SFMBT2: variants seen among roughly 807,000 people sequenced by gnomAD.
SFMBT2 encodes Scm like with four mbt domains 2.
Under a neutral mutation model 110.1 loss-of-function variants are expected in SFMBT2, and 38 were observed. The ratio of observed to expected loss-of-function variants is 0.35; its 90% confidence interval spans 0.27 to 0.45. The LOEUF (loss-of-function observed/expected upper bound fraction) is 0.45, where lower values mean the gene tolerates loss of function less well. SFMBT2 is among the 20% of genes least tolerant of loss of function. The pLI, the probability that SFMBT2 is intolerant of heterozygous loss-of-function variation, is 1.00. For missense variants in SFMBT2, 1,011 were observed against 1,094.9 expected, an observed-to-expected ratio of 0.92 and a Z score of 1.08; for synonymous variants, 425 against 425.4, an observed-to-expected ratio of 1.00 and a Z score of 0.01.
intron 2 of SFMBT2, among the ~76,000 whole-genome samples, chr10:7,375,785 A>ACG (rs1255291467): frequency 6.6e-6 from 1 of 151,412 alleles, no homozygotes; most frequent in Non-Finnish European, 1.5e-5. Context: ...ACACACACAC[A>ACG]CACACACACA....
intron 16 of SFMBT2, among the ~76,000 whole-genome samples, chr10:7,180,711 G>C (rs1441913063): frequency 2.0e-5 from 3 of 152,166 alleles, no homozygotes; most frequent in Admixed American, 1.3e-4. Flanking sequence ...ACCCACCAGG[G>C]AAAAGGATGG....
intron 15 of SFMBT2, among the ~76,000 whole-genome samples, chr10:7,195,255 G>A (rs1203120218): frequency 2.0e-5 from 3 of 152,312 alleles, no homozygotes; most frequent in African/African-American, 7.2e-5. Flanking sequence ...TTTGGATTGA[G>A]TTTAGTATCT....
intron 1 of SFMBT2, among the ~76,000 whole-genome samples, chr10:7,383,943 G>A (rs574117007): frequency 6.6e-6 from 1 of 152,148 alleles, no homozygotes; most frequent in Admixed American, 6.5e-5. Context: ...GAGTGCGGTG[G>A]CTCATGCCTG....
intron 4 of SFMBT2, chr10:7,329,408 A>G (rs1843497185): frequency 2.0e-6 from 2 of 982,154 alleles, no homozygotes; most frequent in African/African-American, 1.7e-5. Context: ...AGCGCAGCAC[A>G]GCACGGGTGC....
chr10:7,225,079 G>A (rs978443276), intron 10 of SFMBT2, among the ~76,000 whole-genome samples: 6 of 152,128 alleles, frequency 3.9e-5, no homozygotes, highest in African/African-American at 1.2e-4. Flanking sequence ...CCAGCCTCAC[G>A]CACAGCTATT....
At chr10:7,238,301 G>A (rs1156894930) in intron 9 of SFMBT2, among the ~76,000 whole-genome samples, 1 of 152,104 alleles carries the variant, frequency 6.6e-6, no homozygotes, top group African/African-American at 2.4e-5. Context: ...ATGAGGTATG[G>A]GGCATGAGAA....
At chr10:7,276,425 G>T (rs1841777569) in intron 7 of SFMBT2, among the ~76,000 whole-genome samples, 1 of 152,148 alleles carries the variant, frequency 6.6e-6, no homozygotes. Context: ...TCATTATGAA[G>T]ATTATTTTTT....
chr10:7,227,496 G>C (rs1839928638), intron 10 of SFMBT2, among the ~76,000 whole-genome samples: 1 of 152,192 alleles, frequency 6.6e-6, no homozygotes, highest in African/African-American at 2.4e-5. Context: ...GCAGTATTTA[G>C]AACTAGTGAT....
In SFMBT2 at chr10:7,312,084, G is replaced by C. The variant is rs149890489; in HGVS notation, c.437-26130C>G. 5.2e-3 allele frequency among the ~76,000 whole-genome samples: 789 copies of C among 152,254 alleles called. 3 individuals are homozygous for C. Among genetic ancestry groups the C allele is most frequent in the African/African-American group, 0.016 (674 of 41,516 alleles). ...ACACACAGGGGCCTGTCGTGGAGTGGGGGGAGGGAGGAGGGATAGCATTAG... is the reference window on the plus strand; with the variant it reads ...ACACACAGGGGCCTGTCGTGGAGTGCGGGGAGGGAGGAGGGATAGCATTAG... On this transcript the variant is annotated intron_variant, in intron 4 of 20. Transcript: ENST00000397167.
chr10:7,298,588 T>C (rs1349951732), intron 4 of SFMBT2, among the ~76,000 whole-genome samples: 1 of 152,134 alleles, frequency 6.6e-6, no homozygotes, highest in Admixed American at 6.5e-5. Flanking sequence ...GGCTGTGAAA[T>C]ATGTGTGAGT....
At chr10:7,275,831 G>A (rs1343622778) in intron 7 of SFMBT2, among the ~76,000 whole-genome samples, 1 of 152,194 alleles carries the variant, frequency 6.6e-6, no homozygotes, top group Admixed American at 6.5e-5. Flanking sequence ...TAAAATCCAG[G>A]AAGCCCACGT....
chr10:7,339,293 A>T (rs1843817763), intron 4 of SFMBT2, among the ~76,000 whole-genome samples: 1 of 152,196 alleles, frequency 6.6e-6, no homozygotes, highest in African/African-American at 2.4e-5. Flanking sequence ...TTTAATGAAA[A>T]CAAATAAGTT....
At chr10:7,241,558 G>A (rs1564401079) in intron 9 of SFMBT2, among the ~76,000 whole-genome samples, 1 of 152,076 alleles carries the variant, frequency 6.6e-6, no homozygotes, top group Non-Finnish European at 1.5e-5. Flanking sequence ...TTGGATAAAA[G>A]AGAAGAAATG....
At chr10:7,405,635 C>A (rs973604935) in intron 1 of SFMBT2, among the ~76,000 whole-genome samples, 2 of 152,174 alleles carry the variant, frequency 1.3e-5, no homozygotes, top group African/African-American at 4.8e-5. Context: ...TCTCTTGGGC[C>A]TATCTGCATA....
chr10:7,169,334 C>T (rs1837799478), intron 20 of SFMBT2, among the ~76,000 whole-genome samples: 1 of 152,174 alleles, frequency 6.6e-6, no homozygotes, highest in Non-Finnish European at 1.5e-5. Context: ...ATAGGATGAA[C>T]TACTTCATCT....
At chr10:7,187,572 G>C (rs1838456966) in intron 16 of SFMBT2, among the ~76,000 whole-genome samples, 1 of 152,164 alleles carries the variant, frequency 6.6e-6, no homozygotes, top group African/African-American at 2.4e-5. Flanking sequence ...CCATAAATAA[G>C]TTTTACTGAA....
At chr10:7,387,705 C>A (rs1391296409) in intron 1 of SFMBT2, among the ~76,000 whole-genome samples, 1 of 150,030 alleles carries the variant, frequency 6.7e-6, no homozygotes. Context: ...CTGAAGCGGG[C>A]AGATCACTTG....
intron 15 of SFMBT2, among the ~76,000 whole-genome samples, chr10:7,195,638 C>T (rs1838744149): frequency 6.6e-6 from 1 of 152,120 alleles, no homozygotes; most frequent in South Asian, 2.1e-4. Flanking sequence ...TGAGGATCCT[C>T]TCCTCTTCCC....
rs575996229 is a variant in SFMBT2 at position 7,319,982 on chromosome 10, CAGAG to C, written c.437-34032_437-34029del. On this transcript the variant is annotated intron_variant, in intron 4 of 20. Coordinates refer to ENST00000397167, the MANE Select transcript of SFMBT2 (RefSeq NM_001387889.1). ...AGAGAGAGATGAAGACAGAGAGACA[CAGAG>C]AGAGAGACAGAGAGGGAGACAGAGA... Among the ~76,000 whole-genome samples the C allele has an allele frequency of 7.4e-3, 1,041 of 141,272 alleles. 5 individuals are homozygous for C. Among genetic ancestry groups the C allele is most frequent in the Middle Eastern group, 0.054 (13 of 240 alleles). 92.7% of individuals were successfully genotyped at this position (141,272 alleles called of 152,430 possible). A position where few individuals can be genotyped will look rare whatever the true frequency, so the allele number is the denominator to read the frequency against.
Sources: gnomAD v4.1 joint callset for allele counts (sites outside exome capture counted in the v4.1 genomes callset) on GRCh38, gnomAD v4.1.1 for gene constraint, MANE v1.5 for transcripts, NCBI Gene and HGNC (gene_info 2026-07-23, HGNC 2026-07-21) for gene names.